Variants in GHR observed in about 807,000 individuals in gnomAD.
The protein encoded by GHR is GH receptor.
In GHR, 35 loss-of-function variants were observed where a neutral mutation model predicts 67.1. The observed-to-expected ratio is 0.52, with a 90% confidence interval of 0.40 to 0.69. GHR has a LOEUF of 0.69. Ranked by LOEUF, GHR falls within the 30% of genes least tolerant of loss-of-function variation. The pLI, the probability that GHR is intolerant of heterozygous loss-of-function variation, is 0.00. For synonymous variants in GHR, 272 were observed against 269.1 expected, an observed-to-expected ratio of 1.01 and a Z score of -0.10; for missense variants, 792 against 764.6, an observed-to-expected ratio of 1.04 and a Z score of -0.42.
intron 1 of GHR, among the ~76,000 whole-genome samples, chr5:42,486,740 G>A (rs1256975110): frequency 2.6e-5 from 4 of 151,866 alleles, no homozygotes; most frequent in Admixed American, 2.0e-4. Context: ...CCAGCTACTC[G>A]GGAGGCTGAG....
rs559354381 is a variant in GHR at position 42,463,253 on chromosome 5, T to C, written c.-12+39298T>C. ...AAAACTAATCATGTCCTGCTATAAA[T>C]GTATATTGAGAGAGAAGCTGAATAG... is the stretch of plus-strand genomic sequence containing the variant. On this transcript the variant is annotated intron_variant, in intron 1 of 9. Coordinates refer to ENST00000230882, the MANE Select transcript of GHR (RefSeq NM_000163.5). 5.3e-5 allele frequency among the ~76,000 whole-genome samples: 8 copies of C among 152,374 alleles called. No individual in the cohort carries two copies. In the South Asian group the frequency reaches 1.7e-3, roughly 32 times the overall value.
At chr5:42,569,465 A>T (rs563541062) in intron 2 of GHR, among the ~76,000 whole-genome samples, 1 of 152,274 alleles carries the variant, frequency 6.6e-6, no homozygotes, top group South Asian at 2.1e-4. Context: ...AAAAGGCAAG[A>T]CTTGCTGGGC....
intron 7 of GHR, 133 bp from the exon 8 acceptor site, chr5:42,713,296 G>A: frequency 1.5e-6 from 1 of 647,700 alleles, no homozygotes; most frequent in Admixed American, 2.2e-5. Context: ...CTGTTTCAGT[G>A]GTTATCAAGA....
At chr5:42,637,742 A>G (rs1222853685) in intron 3 of GHR, among the ~76,000 whole-genome samples, 1 of 152,084 alleles carries the variant, frequency 6.6e-6, no homozygotes, top group Non-Finnish European at 1.5e-5. Flanking sequence ...TTTTGCTGTT[A>G]TGAATAGTCC....
chr5:42,527,900 A>T (rs1245925913), intron 1 of GHR, among the ~76,000 whole-genome samples: 3 of 152,192 alleles, frequency 2.0e-5, no homozygotes, highest in African/African-American at 7.2e-5. Context: ...TACTCTGTCT[A>T]TACTCTATAA....
intron 3 of GHR, among the ~76,000 whole-genome samples, chr5:42,686,415 T>A (rs1019488558): frequency 6.6e-6 from 1 of 152,134 alleles, no homozygotes; most frequent in Admixed American, 6.6e-5. Flanking sequence ...TGAACACTGA[T>A]GCAAAAATCC....
chr5:42,718,440 T>C lies in GHR; in HGVS notation c.946-13T>C. Reference sequence around the variant, plus strand: ...TTCTTTTCATAGATCTTCATTTTCTTTCTATTTTCTAGGAAGGAAAATTAG... The same window carrying C: ...TTCTTTTCATAGATCTTCATTTTCTCTCTATTTTCTAGGAAGGAAAATTAG... On this transcript the variant is annotated splice_polypyrimidine_tract_variant and intron_variant, in intron 9 of 9. Coordinates refer to ENST00000230882, the MANE Select transcript of GHR (RefSeq NM_000163.5). The C allele has an allele frequency of 6.3e-7, 1 of 1,585,688 alleles. No individual in the cohort carries two copies. Among genetic ancestry groups the C allele is most frequent in the Non-Finnish European group, 8.7e-7 (1 of 1,155,012 alleles).
At chr5:42,543,238 T>G (rs1284478241) in intron 1 of GHR, among the ~76,000 whole-genome samples, 4 of 152,194 alleles carry the variant, frequency 2.6e-5, no homozygotes, top group African/African-American at 9.6e-5. Context: ...TTGTACTAAT[T>G]GACATCACTA....
At chr5:42,590,378 T>G (rs6881929) in intron 2 of GHR, among the ~76,000 whole-genome samples, 40,857 of 144,454 alleles carry the variant, frequency 0.28, 6,501 homozygotes, top group African/African-American at 0.43. Context: ...GCTGGGGAAA[T>G]TTTTTTAAAC....
At chr5:42,622,527 T>C (rs1580073902) in intron 2 of GHR, among the ~76,000 whole-genome samples, 1 of 151,926 alleles carries the variant, frequency 6.6e-6, no homozygotes, top group Non-Finnish European at 1.5e-5. Context: ...AAATGTAGAG[T>C]GACCAGGGAC....
chr5:42,467,902 T>G, intron 1 of GHR: 1 of 775,780 alleles, frequency 1.3e-6, no homozygotes, highest in South Asian at 1.7e-5. Flanking sequence ...CTTCCTCTTC[T>G]TTGAAGCTTT....
At chr5:42,635,821 G>A (rs1477262187) in intron 3 of GHR, among the ~76,000 whole-genome samples, 1 of 151,970 alleles carries the variant, frequency 6.6e-6, no homozygotes, top group African/African-American at 2.4e-5. Flanking sequence ...ATATACTGAG[G>A]TCTTCTATTT....
At chr5:42,465,697 A>C (rs1304154924) in intron 1 of GHR, 1 of 856,990 alleles carries the variant, frequency 1.2e-6, no homozygotes, top group African/African-American at 1.7e-5. Context: ...GGCCACTGTA[A>C]TGTGAAAAAA....
At chr5:42,557,553 A>AT (rs1405223626) in intron 1 of GHR, among the ~76,000 whole-genome samples, 3 of 152,120 alleles carry the variant, frequency 2.0e-5, no homozygotes, top group African/African-American at 4.8e-5. Context: ...TCTAATCCTG[A>AT]TTTTTTTATT....
chr5:42,423,770 G>T lies in GHR; in HGVS notation c.-197G>T. ...AGCCATGGGAAGAGGAGGAGGGCTA[G>T]GGAGCGGCGGCGGCGGCGGCAGCGG... On this transcript the variant is annotated 5_prime_UTR_variant, in exon 1 of 10. It adds an upstream start codon to the 5' untranslated region. Coordinates refer to ENST00000230882, the MANE Select transcript of GHR (RefSeq NM_000163.5). The T allele has an allele frequency of 6.1e-6, 1 of 163,194 alleles. No homozygotes were observed. The allele number at this position is 163,194 out of a possible 1,614,324, so 10.1% of individuals were successfully genotyped here.
intron 2 of GHR, among the ~76,000 whole-genome samples, chr5:42,569,719 A>G (rs1247096356): frequency 6.6e-6 from 1 of 152,074 alleles, no homozygotes; most frequent in East Asian, 1.9e-4. Context: ...CATACACTAT[A>G]TGTACACATA....
intron 3 of GHR, among the ~76,000 whole-genome samples, chr5:42,634,096 A>G (rs915472814): frequency 2.6e-5 from 4 of 151,956 alleles, no homozygotes; most frequent in African/African-American, 9.7e-5. Flanking sequence ...TACTTCCTGT[A>G]TGATCTTCTC....
In GHR at chr5:42,467,398, G is replaced by T. The variant is rs150559870; in HGVS notation, c.-12+43443G>T. 1.8e-5 allele frequency: 17 copies of T among 928,860 alleles called. No individual in the cohort carries two copies. In the African/African-American group the frequency reaches 2.4e-4, roughly 13 times the overall value. The allele number at this position is 928,860 out of a possible 1,614,324, so 57.5% of individuals were successfully genotyped here. A position where few individuals can be genotyped will look rare whatever the true frequency, so the allele number is the denominator to read the frequency against. ...GTTACAGGCAGAGGGCTTCTCCCCAGTGTGGATCCTCTGGTGGACAATATG... is the reference window on the plus strand; with the variant it reads ...GTTACAGGCAGAGGGCTTCTCCCCATTGTGGATCCTCTGGTGGACAATATG... On this transcript the variant is annotated intron_variant, in intron 1 of 9. Transcript: ENST00000230882.
At chr5:42,504,590 C>A (rs1397632780) in intron 1 of GHR, among the ~76,000 whole-genome samples, 1 of 152,020 alleles carries the variant, frequency 6.6e-6, no homozygotes, top group Non-Finnish European at 1.5e-5. Flanking sequence ...GAAACCCCAT[C>A]TCTACTAAAA....
Sources: gnomAD v4.1 joint callset for allele counts (sites outside exome capture counted in the v4.1 genomes callset) on GRCh38, gnomAD v4.1.1 for gene constraint, MANE v1.5 for transcripts, NCBI Gene and HGNC (gene_info 2026-07-23, HGNC 2026-07-21) for gene names.